The following LRMDA variants were observed in gnomAD, a reference collection of about 807,000 sequenced individuals.
The protein encoded by LRMDA is leucine-rich melanocyte differentiation-associated protein.
Under a neutral mutation model 29.8 loss-of-function variants are expected in LRMDA, and 18 were observed. The observed-to-expected ratio is 0.60, with a 90% CI of 0.42 to 0.90. The LOEUF (loss-of-function observed/expected upper bound fraction) is 0.90. Ranked by LOEUF, LRMDA falls within the 40% of genes least tolerant of loss-of-function variation. The pLI is 0.00. For synonymous variants in LRMDA, 125 were observed against 109.4 expected, an observed-to-expected ratio of 1.14 and a Z score of -0.89; for missense variants, 273 against 273.9, an observed-to-expected ratio of 1.00 and a Z score of 0.02.
intron 2 of LRMDA, among the ~76,000 whole-genome samples, chr10:75,550,380 T>C (rs1341669037): frequency 6.6e-6 from 1 of 152,174 alleles, no homozygotes; most frequent in African/African-American, 2.4e-5. Context: ...TGTTGTTAGA[T>C]GCATACATAT....
intron 2 of LRMDA, among the ~76,000 whole-genome samples, chr10:75,736,432 C>T (rs1259942145): frequency 6.6e-6 from 1 of 152,204 alleles, no homozygotes; most frequent in African/African-American, 2.4e-5. Flanking sequence ...TAAACACACA[C>T]AGCGGGAGAC....
At chr10:75,899,775 A>G (rs1405442825) in intron 2 of LRMDA, among the ~76,000 whole-genome samples, 1 of 152,168 alleles carries the variant, frequency 6.6e-6, no homozygotes, top group Non-Finnish European at 1.5e-5. Flanking sequence ...TTCTGCAGGG[A>G]TGAGGACAGA....
In LRMDA at chr10:75,878,301, C is replaced by T. The variant is rs186407389; in HGVS notation, c.132-157707C>T. Among the ~76,000 whole-genome samples, 339 of 144,704 alleles carry T rather than the reference C, an allele frequency of 2.3e-3. 1 individual carries two copies. Among genetic ancestry groups the T allele is most frequent in the Admixed American group, 5.9e-3 (87 of 14,692 alleles). The allele number at this position is 144,704 out of a possible 152,430, so 94.9% of individuals were successfully genotyped here. The stretch of plus-strand genomic sequence containing the variant: ...TTTATTGAGTGGTAGAAGTAGCTCT[C>T]GGTGAGGTGGATGGGTGCAAAGTTT... On this transcript the variant is annotated intron_variant, in intron 2 of 6. Transcript: ENST00000611255.
intron 5 of LRMDA, among the ~76,000 whole-genome samples, chr10:76,076,768 C>T (rs1848967202): frequency 6.6e-6 from 1 of 152,090 alleles, no homozygotes; most frequent in Non-Finnish European, 1.5e-5. Context: ...AATGCCAGGT[C>T]CCTAAAGTTC....
intron 5 of LRMDA, among the ~76,000 whole-genome samples, chr10:76,093,566 C>T (rs558490432): frequency 5.3e-5 from 8 of 152,274 alleles, no homozygotes; most frequent in African/African-American, 1.9e-4. Flanking sequence ...CTTCCATTCT[C>T]CTTTCCTTCT....
chr10:76,397,306 T>C (rs1252692562), intron 6 of LRMDA, among the ~76,000 whole-genome samples: 1 of 152,058 alleles, frequency 6.6e-6, no homozygotes, highest in Non-Finnish European at 1.5e-5. Context: ...TGAGGCCCTG[T>C]TTTTATTGGC....
At chr10:76,203,833 C>T (rs917800563) in intron 5 of LRMDA, among the ~76,000 whole-genome samples, 2 of 142,338 alleles carry the variant, frequency 1.4e-5, no homozygotes, top group Non-Finnish European at 3.0e-5. Context: ...ACCCATCTCT[C>T]CATGTGTCTG....
intron 2 of LRMDA, among the ~76,000 whole-genome samples, chr10:75,979,309 G>A (rs924712645): frequency 2.6e-5 from 4 of 152,182 alleles, no homozygotes; most frequent in Non-Finnish European, 5.9e-5. Flanking sequence ...CACTGGCTTA[G>A]AGGAGTGAGA....
At chr10:76,533,182 A>C (rs940924738) in intron 6 of LRMDA, among the ~76,000 whole-genome samples, 16 of 152,200 alleles carry the variant, frequency 1.1e-4, no homozygotes, top group African/African-American at 3.6e-4. Flanking sequence ...AATGAATCAC[A>C]AACACCTGTA....
At chr10:76,182,923 C>A (rs1388953236) in intron 5 of LRMDA, among the ~76,000 whole-genome samples, 1 of 152,164 alleles carries the variant, frequency 6.6e-6, no homozygotes, top group Non-Finnish European at 1.5e-5. Context: ...TAGAGAAGGA[C>A]AAGCCAGTTA....
chr10:76,471,359 T>G (rs1173986781), intron 6 of LRMDA, among the ~76,000 whole-genome samples: 2 of 151,698 alleles, frequency 1.3e-5, no homozygotes, highest in African/African-American at 4.8e-5. Flanking sequence ...TTTTGTGAAA[T>G]TAAGTTAGCA....
chr10:76,036,411 A>G (rs911681479), intron 3 of LRMDA, among the ~76,000 whole-genome samples: 1 of 152,016 alleles, frequency 6.6e-6, no homozygotes, highest in Non-Finnish European at 1.5e-5. Flanking sequence ...ATGGCTGTGA[A>G]GAAATCTTTT....
At chr10:75,720,276 C>T (rs899158019) in intron 2 of LRMDA, among the ~76,000 whole-genome samples, 7 of 152,096 alleles carry the variant, frequency 4.6e-5, no homozygotes, top group Admixed American at 1.3e-4. Flanking sequence ...AAGGAGGCAT[C>T]GTGGCATTAC....
At chr10:75,792,128 G>A (rs1450602403) in intron 2 of LRMDA, among the ~76,000 whole-genome samples, 7 of 152,004 alleles carry the variant, frequency 4.6e-5, no homozygotes, top group African/African-American at 7.2e-5. Flanking sequence ...AAAGTGCTGC[G>A]GGCGTGAGCC....
At position 76,542,676 on chromosome 10, in the gene LRMDA, A is replaced by G. The variant is rs375893971; in HGVS notation, c.602-14533A>G. ...TTGATTGATTGCAGAGTTGATGAAA[A>G]TGTTAGACACAGGCAGCGTGGAGTA... is the stretch of plus-strand genomic sequence containing the variant. On this transcript the variant is annotated intron_variant, in intron 6 of 6. Transcript: ENST00000611255. Among the ~76,000 whole-genome samples, 12 of 152,324 alleles carry G rather than the reference A, an allele frequency of 7.9e-5. No homozygotes were observed. The East Asian group carries it at 2.3e-3, about 29-fold the overall frequency.
intron 2 of LRMDA, among the ~76,000 whole-genome samples, chr10:76,013,458 A>C (rs1382849883): frequency 6.6e-6 from 1 of 152,092 alleles, no homozygotes; most frequent in Non-Finnish European, 1.5e-5. Context: ...TTTAATTTCA[A>C]ATTAAAACAA....
intron 2 of LRMDA, among the ~76,000 whole-genome samples, chr10:75,922,848 T>C (rs984062417): frequency 3.3e-5 from 5 of 152,222 alleles, no homozygotes; most frequent in African/African-American, 1.2e-4. Flanking sequence ...TTTTCTTCCC[T>C]ATTCTTTCCA....
chr10:75,787,030 C>A (rs1843482351), intron 2 of LRMDA, among the ~76,000 whole-genome samples: 1 of 152,216 alleles, frequency 6.6e-6, no homozygotes, highest in South Asian at 2.1e-4. Flanking sequence ...ATGAAGCCCC[C>A]ACTAGATTTG....
chr10:76,000,410 C>G (rs958602094), intron 2 of LRMDA, among the ~76,000 whole-genome samples: 1 of 152,152 alleles, frequency 6.6e-6, no homozygotes, highest in Non-Finnish European at 1.5e-5. Context: ...TCTGTGTGCA[C>G]AGGCATAGCT....
Sources: gnomAD v4.1 joint callset for allele counts (sites outside exome capture counted in the v4.1 genomes callset) on GRCh38, gnomAD v4.1.1 for gene constraint, MANE v1.5 for transcripts, NCBI Gene and HGNC (gene_info 2026-07-23, HGNC 2026-07-21) for gene names.